SYT10: variants seen among roughly 807,000 people sequenced by gnomAD.
The protein encoded by SYT10 is synaptotagmin 10, also known as synaptotagmin-10.
In SYT10, 31 loss-of-function variants were observed where a neutral mutation model predicts 51.1. The ratio of observed to expected loss-of-function variants is 0.61; its 90% CI spans 0.46 to 0.82. SYT10 has a LOEUF of 0.82. SYT10 is among the 40% of genes least tolerant of loss of function. The probability of loss-of-function intolerance (pLI) is 0.00; values close to 1 mark genes in which losing one functional copy is unlikely to be tolerated. For missense variants in SYT10, 603 were observed against 634.0 expected, an observed-to-expected ratio of 0.95 and a Z score of 0.53; for synonymous variants, 233 against 225.9, an observed-to-expected ratio of 1.03 and a Z score of -0.28.
intron 1 of SYT10, among the ~76,000 whole-genome samples, chr12:33,430,192 C>T (rs1486419141): frequency 6.6e-6 from 1 of 152,186 alleles, no homozygotes; most frequent in African/African-American, 2.4e-5. Context: ...GTCTATATGT[C>T]TGTCGGTCTG....
At chr12:33,432,327 A>C (rs979445874) in intron 1 of SYT10, 1 of 152,066 alleles carries the variant, frequency 6.6e-6, no homozygotes, top group African/African-American at 2.4e-5. Context: ...CAAATATCTA[A>C]ATTTATTAAA....
chr12:33,401,346 G>A (rs1866302656), intron 3 of SYT10, among the ~76,000 whole-genome samples: 2 of 152,122 alleles, frequency 1.3e-5, no homozygotes. Context: ...CTATGCTGGA[G>A]ATGTTTCTAT....
intron 2 of SYT10, among the ~76,000 whole-genome samples, chr12:33,424,479 T>C (rs1866532309): frequency 1.3e-5 from 2 of 152,124 alleles, no homozygotes; most frequent in Non-Finnish European, 2.9e-5. Context: ...TAATTGAAGA[T>C]TTTTACCTTG....
intron 3 of SYT10, among the ~76,000 whole-genome samples, chr12:33,399,880 T>G (rs1402489824): frequency 2.0e-5 from 3 of 152,236 alleles, no homozygotes; most frequent in Non-Finnish European, 4.4e-5. Flanking sequence ...CATCAGTTAC[T>G]GGTGGCCCAT....
chr12:33,403,768 A>C (rs1866327361), intron 3 of SYT10, among the ~76,000 whole-genome samples: 1 of 151,864 alleles, frequency 6.6e-6, no homozygotes, highest in African/African-American at 2.4e-5. Context: ...AAAGTTTCTT[A>C]ATGAAATTTC....
Position 33,390,426 on chromosome 12 carries a change from T to C in SYT10, c.1078-5135A>G, listed in dbSNP as rs562045728. ...CTCAAGAGGATTATCTGATGTGTGGTGGACACGCAGGATATACAATATGAA... is the reference window on the plus strand; with the variant it reads ...CTCAAGAGGATTATCTGATGTGTGGCGGACACGCAGGATATACAATATGAA... On this transcript the variant is annotated intron_variant, in intron 3 of 6. Transcript: ENST00000228567. Among the ~76,000 whole-genome samples the C allele has an allele frequency of 3.3e-5, 5 of 152,270 alleles. No homozygotes were observed. In the South Asian group the frequency reaches 6.2e-4, roughly 19 times the overall value.
At position 33,379,926 on chromosome 12, in the gene SYT10, G is replaced by A. The variant is rs760501861; in HGVS notation, c.1406C>T (p.Thr469Ile). 2.5e-6 allele frequency: 4 copies of A among 1,613,878 alleles called. No individual in the cohort carries two copies. Among genetic ancestry groups the A allele is most frequent in the Admixed American group, 3.3e-5 (2 of 60,000 alleles). Residue 469 changes from threonine to isoleucine, a missense_variant, in exon 6 of 7, where the codon ACA becomes ATA. Coordinates refer to ENST00000228567, the MANE Select transcript of SYT10 (RefSeq NM_198992.4). ...GHNEVIGVCR[T>I]GLDAEGLGRD... ...CCCAAGACCCTCAGCATCCAGTCCT[G>A]TTCTGCACACTCCTATGACCTCATT... is the stretch of plus-strand genomic sequence containing the variant.
intron 4 of SYT10, 71 bp from the exon 5 acceptor site, chr12:33,382,591 T>A: frequency 7.1e-7 from 1 of 1,407,956 alleles, no homozygotes; most frequent in Non-Finnish European, 9.4e-7. Flanking sequence ...TGCAGTTTAT[T>A]TTTACTAAAT....
At chr12:33,421,425 C>T (rs1866503934) in intron 2 of SYT10, among the ~76,000 whole-genome samples, 1 of 152,198 alleles carries the variant, frequency 6.6e-6, no homozygotes, top group South Asian at 2.1e-4. Context: ...TTACTATTCA[C>T]CTCGTCTTTA....
chr12:33,413,922 C>T (rs1167651859), intron 2 of SYT10, among the ~76,000 whole-genome samples: 1 of 152,136 alleles, frequency 6.6e-6, no homozygotes, highest in Non-Finnish European at 1.5e-5. Flanking sequence ...CATGAGTGTG[C>T]TGTATTCAGG....
Position 33,379,867 on chromosome 12 carries a change from G to A in SYT10, c.1465C>T (p.Arg489Ter), listed in dbSNP as rs779412084. 9.3e-6 allele frequency: 15 copies of A among 1,613,880 alleles called. No individual in the cohort carries two copies. Among genetic ancestry groups the A allele is most frequent in the Non-Finnish European group, 1.2e-5 (14 of 1,179,896 alleles). The change falls in exon 6 of 7, where the codon CGA becomes TGA. Residue 489 changes from arginine (R) to a stop codon, truncating the protein, a stop_gained. Transcript: ENST00000228567. LOFTEE classifies it high-confidence loss of function. ...DHWNEMLAYHRKPITHWHPLL... is the reference protein window; with the variant it reads ...DHWNEMLAYH ...GGGTGCCAGTGCGTTATTGGTTTTCGATGATAGGCCAGCATTTCATTCCAG... is the reference window on the plus strand; with the variant it reads ...GGGTGCCAGTGCGTTATTGGTTTTCAATGATAGGCCAGCATTTCATTCCAG...
At chr12:33,408,579 A>G (rs1386967941) in intron 2 of SYT10, among the ~76,000 whole-genome samples, 1 of 152,150 alleles carries the variant, frequency 6.6e-6, no homozygotes, top group Non-Finnish European at 1.5e-5. Context: ...GTCTTTTGTT[A>G]TATTTCTTGT....
intron 1 of SYT10, among the ~76,000 whole-genome samples, chr12:33,431,636 G>C (rs1866597767): frequency 6.6e-6 from 1 of 151,942 alleles, no homozygotes; most frequent in East Asian, 1.9e-4. Flanking sequence ...AGTATTGACG[G>C]CTTGTTACAA....
intron 3 of SYT10, among the ~76,000 whole-genome samples, chr12:33,399,283 CA>C (rs1866283091): frequency 6.6e-6 from 1 of 152,148 alleles, no homozygotes; most frequent in African/African-American, 2.4e-5. Context: ...GCTTACCCAG[CA>C]ACTCTAGATT....
chr12:33,382,659 G>C, intron 4 of SYT10, 139 bp from the exon 5 acceptor site: 2 of 728,190 alleles, frequency 2.7e-6, no homozygotes, highest in Non-Finnish European at 3.9e-6. Flanking sequence ...TTTTAAATTT[G>C]TCTCCAAAAA....
intron 3 of SYT10, among the ~76,000 whole-genome samples, 167 bp from the exon 4 acceptor site, chr12:33,385,458 TCCCAG>T (rs1866149571): frequency 1.3e-5 from 2 of 152,182 alleles, no homozygotes; most frequent in Non-Finnish European, 2.9e-5. Context: ...AAAGAGTGTA[TCCCAG>T]TTGCTTATTT....
chr12:33,377,548 C>T (rs1485941088), intron 6 of SYT10, among the ~76,000 whole-genome samples: 5 of 152,044 alleles, frequency 3.3e-5, no homozygotes, highest in South Asian at 4.1e-4. Context: ...TCCTTAAATG[C>T]CTGTATGTAT....
chr12:33,428,571 C>T (rs766863664), intron 1 of SYT10, among the ~76,000 whole-genome samples: 71 of 152,094 alleles, frequency 4.7e-4, no homozygotes, highest in Non-Finnish European at 9.9e-4. Flanking sequence ...TCTATGAGAC[C>T]AGTGAAGCAG....
chr12:33,432,024 C>G (rs1401595114), intron 1 of SYT10, among the ~76,000 whole-genome samples: 1 of 152,032 alleles, frequency 6.6e-6, no homozygotes, highest in East Asian at 1.9e-4. Context: ...ATCAAAAAGC[C>G]ACTCAGAAGA....
Sources: gnomAD v4.1 joint callset for allele counts (sites outside exome capture counted in the v4.1 genomes callset) on GRCh38, gnomAD v4.1.1 for gene constraint, MANE v1.5 for transcripts, NCBI Gene and HGNC (gene_info 2026-07-23, HGNC 2026-07-21) for gene names.